C14orf93: variants seen among roughly 807,000 people sequenced by gnomAD.
C14orf93 encodes uncharacterized protein C14orf93.
Under a neutral mutation model 44.0 loss-of-function variants are expected in C14orf93, and 23 were observed. The ratio of observed to expected loss-of-function variants is 0.52; its 90% CI spans 0.38 to 0.74. The LOEUF is 0.74. C14orf93 is among the 30% of genes least tolerant of loss of function. The probability of loss-of-function intolerance (pLI) is 0.00; values close to 1 mark genes in which losing one functional copy is unlikely to be tolerated. For missense variants in C14orf93, 579 were observed against 678.9 expected, an observed-to-expected ratio of 0.85 and a Z score of 1.64; for synonymous variants, 253 against 265.7, an observed-to-expected ratio of 0.95 and a Z score of 0.46.
chr14:22,995,670 ACT>A (rs1482731219), intron 3 of C14orf93, among the ~76,000 whole-genome samples: 1 of 128,634 alleles, frequency 7.8e-6, no homozygotes, highest in African/African-American at 3.4e-5. Flanking sequence ...ACAGAGTGAG[ACT>A]CTGACTCAAA....
At chr14:22,994,458 A>G (rs1335199546) in intron 3 of C14orf93, among the ~76,000 whole-genome samples, 1 of 151,992 alleles carries the variant, frequency 6.6e-6, no homozygotes, top group African/African-American at 2.4e-5. Context: ...GTGAGCTGAA[A>G]TCACGCCACT....
In C14orf93 at chr14:22,996,340, G is replaced by C; in HGVS notation, c.598-72C>G. 7.1e-7 allele frequency: 1 copy of C among 1,404,312 alleles called. No individual in the cohort carries two copies. The highest frequency in any genetic ancestry group is 9.6e-7 in the Non-Finnish European group (1 of 1,040,372). 87.0% of individuals were successfully genotyped at this position (1,404,312 alleles called of 1,614,324 possible). Reference sequence around the variant, plus strand: ...GAACCTGGTTAACCATCATTCTTTGGCTAAGAATAGTGAACAGAAAGTGGA... The same window carrying C: ...GAACCTGGTTAACCATCATTCTTTGCCTAAGAATAGTGAACAGAAAGTGGA... On this transcript the variant is annotated intron_variant, in intron 2 of 6. Transcript: ENST00000299088. The surrounding 1 kb of genome is among the most constrained non-coding windows in gnomAD (Gnocchi z 4.1).
intron 1 of C14orf93, among the ~76,000 whole-genome samples, chr14:23,001,765 CCTT>C (rs2139697553): frequency 1.3e-5 from 2 of 148,988 alleles, no homozygotes; most frequent in South Asian, 4.3e-4. Context: ...GCGCCCAGCT[CCTT>C]CTTCTTTAAA....
Position 22,998,960 on chromosome 14 carries a change from A to C in C14orf93, c.64T>G (p.Cys22Gly). Residue 22 changes from cysteine to glycine, a missense_variant, in exon 2 of 7, where the codon TGC (cysteine) becomes GGC (glycine). Coordinates refer to ENST00000299088, the MANE Select transcript of C14orf93 (RefSeq NM_021944.4). ...PSGSEARCCC[C>G]ACKSETNGGN... Reference sequence around the variant, plus strand: ...CCATTAGTCTCACTCTTACAGGCGCAGCAGCAGCATCTGGCCTCGCTGCCA... The same window carrying C: ...CCATTAGTCTCACTCTTACAGGCGCCGCAGCAGCATCTGGCCTCGCTGCCA... 1 of 1,613,666 alleles carries C rather than the reference A, an allele frequency of 6.2e-7. No homozygotes were observed. The highest frequency in any genetic ancestry group is 8.5e-7 in the Non-Finnish European group (1 of 1,179,988).
At chr14:22,991,363 C>T (rs1393507576) in intron 3 of C14orf93, among the ~76,000 whole-genome samples, 2 of 151,468 alleles carry the variant, frequency 1.3e-5, no homozygotes, top group Non-Finnish European at 2.9e-5. Context: ...CCTGCCTCAG[C>T]CTCCTGAGTA....
At chr14:22,993,449 G>T (rs2045782488) in intron 3 of C14orf93, among the ~76,000 whole-genome samples, 1 of 152,106 alleles carries the variant, frequency 6.6e-6, no homozygotes, top group Non-Finnish European at 1.5e-5. Context: ...TATACTAGCT[G>T]CATATTCAAC....
At chr14:23,005,612 C>T (rs1230391418) in intron 1 of C14orf93, 1 of 152,200 alleles carries the variant, frequency 6.6e-6, no homozygotes, top group African/African-American at 2.4e-5. Context: ...AAAAGATCTT[C>T]AATCTTGGGA....
intron 1 of C14orf93, chr14:23,005,786 AAAAG>A (rs1164108071): frequency 6.6e-6 from 1 of 152,216 alleles, no homozygotes; most frequent in Non-Finnish European, 1.5e-5. Context: ...ATTTAGATAA[AAAAG>A]AAAGACAATT....
chr14:22,989,190 G>T (rs1270187503), intron 5 of C14orf93, among the ~76,000 whole-genome samples: 3 of 152,014 alleles, frequency 2.0e-5, no homozygotes, highest in Non-Finnish European at 4.4e-5. Flanking sequence ...ATTGGGTTTC[G>T]CCATGTTGCC....
chr14:22,998,204 C>A, intron 2 of C14orf93: 1 of 542,752 alleles, frequency 1.8e-6, no homozygotes, highest in Non-Finnish European at 3.0e-6. Flanking sequence ...AAGGGCACCC[C>A]ATCACTACAC....
At chr14:23,009,742 T>G (rs1158590696) in intron 1 of C14orf93, among the ~76,000 whole-genome samples, 1 of 152,112 alleles carries the variant, frequency 6.6e-6, no homozygotes, top group African/African-American at 2.4e-5. Context: ...TGGCAGAAAT[T>G]TACATTATCC....
chr14:23,004,998 C>G (rs990722848), intron 1 of C14orf93: 1 of 152,132 alleles, frequency 6.6e-6, no homozygotes, highest in Non-Finnish European at 1.5e-5. Flanking sequence ...TGAAAAATTT[C>G]TGAGGCGTTA....
chr14:23,000,746 G>T (rs970477352), intron 1 of C14orf93, among the ~76,000 whole-genome samples: 4 of 151,012 alleles, frequency 2.6e-5, no homozygotes, highest in Non-Finnish European at 4.4e-5. Context: ...AGAGTAGGAG[G>T]TTAAGAGAAT....
intron 1 of C14orf93, among the ~76,000 whole-genome samples, chr14:23,004,887 C>T (rs2046549966): frequency 6.6e-6 from 1 of 152,134 alleles, no homozygotes; most frequent in African/African-American, 2.4e-5. Flanking sequence ...CACTGCACTC[C>T]AGCCTGGGCA....
At chr14:22,995,576 A>C (rs937549447) in intron 3 of C14orf93, among the ~76,000 whole-genome samples, 1 of 148,514 alleles carries the variant, frequency 6.7e-6, no homozygotes, top group Non-Finnish European at 1.5e-5. Flanking sequence ...GCTACTCAGG[A>C]GGCTGAGGCA....
intron 3 of C14orf93, among the ~76,000 whole-genome samples, chr14:22,990,400 AC>A (rs1251896013): frequency 1.3e-5 from 2 of 152,016 alleles, no homozygotes; most frequent in Non-Finnish European, 2.9e-5. Context: ...CCATGAACAT[AC>A]CCCTGATAGC....
In C14orf93 at chr14:22,986,412, A is replaced by G. The variant is rs1051512380; in HGVS notation, c.*803T>C. On this transcript the variant is annotated 3_prime_UTR_variant, in exon 7 of 7. Transcript: ENST00000299088. Reference sequence around the variant, plus strand: ...TACCTGACACCTAGTAAAGCGATCAATGTTTGTTATAAGACTGAATAAATG... The same window carrying G: ...TACCTGACACCTAGTAAAGCGATCAGTGTTTGTTATAAGACTGAATAAATG... 1 of 152,240 alleles carries G rather than the reference A, an allele frequency of 6.6e-6. No homozygotes were observed. Among genetic ancestry groups the G allele is most frequent in the African/African-American group, 2.4e-5 (1 of 41,446 alleles). The allele number at this position is 152,240 out of a possible 1,614,324, so 9.4% of individuals were successfully genotyped here.
Position 22,999,132 on chromosome 14 carries a change from G to A in C14orf93, c.-109C>T. 4 of 1,479,204 alleles carry A rather than the reference G, an allele frequency of 2.7e-6. No homozygotes were observed. Among genetic ancestry groups the A allele is most frequent in the Non-Finnish European group, 3.6e-6 (4 of 1,114,438 alleles). The allele number at this position is 1,479,204 out of a possible 1,614,324, so 91.6% of individuals were successfully genotyped here. On this transcript the variant is annotated 5_prime_UTR_variant, in exon 2 of 7. Transcript: ENST00000299088. ...CCTTTCTCAATGAGGATGGTCAGAG[G>A]AGCCCAGGCCCCAAGCTGTAGGGTC...
intron 2 of C14orf93, chr14:22,998,026 C>T (rs762489667): frequency 4.6e-5 from 8 of 175,272 alleles, no homozygotes; most frequent in Non-Finnish European, 9.5e-5. Context: ...CTGTACATTC[C>T]CATCTCTCTT....
Sources: gnomAD v4.1 joint callset for allele counts (sites outside exome capture counted in the v4.1 genomes callset) on GRCh38, gnomAD v4.1.1 for gene constraint, Gnocchi (gnomAD v3.1) non-coding constraint, MANE v1.5 for transcripts, NCBI Gene and HGNC (gene_info 2026-07-23, HGNC 2026-07-21) for gene names.